Variants in VCAN observed in about 807,000 individuals in gnomAD.
VCAN encodes versican, also known as versican core protein.
VCAN carries 44 observed loss-of-function variants against 245.5 expected under a neutral mutation model. The observed-to-expected ratio is 0.18, with a 90% CI of 0.14 to 0.23. The LOEUF is 0.23. Among genes scored for constraint, VCAN ranks in the 10% least tolerant of loss-of-function variants. VCAN has a pLI of 1.00. For synonymous variants in VCAN, 1,413 were observed against 1,437.0 expected, an observed-to-expected ratio of 0.98 and a Z score of 0.38; for missense variants, 3,793 against 4,057.9, an observed-to-expected ratio of 0.93 and a Z score of 1.77.
chr5:83,534,336 T>C (rs1464488452), intron 7 of VCAN, among the ~76,000 whole-genome samples: 1 of 152,100 alleles, frequency 6.6e-6, no homozygotes, highest in Non-Finnish European at 1.5e-5. Context: ...TAATCAGATA[T>C]TTCCTTATTT....
At position 83,540,407 on chromosome 5, in the gene VCAN, T is replaced by C. The variant is rs763839180; in HGVS notation, c.7404T>C (p.His2468=). ...TTTCTGATGGGTCCCTGGAAAAACATCCTGAGGTGCCAAGCGCTAAAGCTG... is the reference window on the plus strand; with the variant it reads ...TTTCTGATGGGTCCCTGGAAAAACACCCTGAGGTGCCAAGCGCTAAAGCTG... ...TFVSDGSLEK[H]PEVPSAKAVT... Residue 2468 remains histidine (H), a synonymous_variant, in exon 8 of 15, where the codon CAT becomes CAC. Transcript: ENST00000265077. 1.2e-6 allele frequency: 2 copies of C among 1,613,976 alleles called. 1 individual carries two copies. Among genetic ancestry groups the C allele is most frequent in the South Asian group, 2.2e-5 (2 of 91,078 alleles).
intron 10 of VCAN, among the ~76,000 whole-genome samples, chr5:83,549,496 A>G (rs1747376156): frequency 1.3e-5 from 2 of 152,152 alleles, no homozygotes; most frequent in South Asian, 4.1e-4. Context: ...AGTGAACCTA[A>G]ATGGCTTAAC....
rs767289684 is a variant in VCAN, at chr5:83,521,923, A to G, written c.3617A>G (p.Asp1206Gly). The G allele has an allele frequency of 1.2e-6, 2 of 1,614,198 alleles. No homozygotes were observed. The highest frequency in any genetic ancestry group is 8.5e-7 in the Non-Finnish European group (1 of 1,180,032). ...ACAATCAAAGTCACAGTTCCAAGTG[A>G]TATTACCACTGCCTTCAGTTCAGTA... Reference protein sequence around the residue: ...FSTIKVTVPSDITTAFSSVDR... With the variant: ...FSTIKVTVPSGITTAFSSVDR... The change falls in exon 7 of 15, where the codon GAT becomes GGT. Residue 1206 changes from aspartate (D) to glycine (G), a missense_variant. Asp to Gly is a moderately conservative substitution (Grantham distance 94). Around this residue, in one of 5 missense-constraint regions of VCAN, gnomAD observed 3,182 missense variants for 3,250.3 expected, o/e 0.98. Transcript: ENST00000265077.
At chr5:83,476,873 C>T (rs937844605) in intron 1 of VCAN, among the ~76,000 whole-genome samples, 1 of 152,104 alleles carries the variant, frequency 6.6e-6, no homozygotes, top group Non-Finnish European at 1.5e-5. Flanking sequence ...AATGTATATA[C>T]TTTCCACATC....
intron 6 of VCAN, among the ~76,000 whole-genome samples, chr5:83,515,792 G>A (rs933551584): frequency 6.6e-6 from 1 of 152,194 alleles, no homozygotes; most frequent in African/African-American, 2.4e-5. Context: ...CCTTTGGTTA[G>A]TTCATTATCT....
In VCAN at chr5:83,521,802, G is replaced by A; in HGVS notation, c.3496G>A (p.Glu1166Lys). 2 of 1,614,086 alleles carry A rather than the reference G, an allele frequency of 1.2e-6. No homozygotes were observed. The highest frequency in any genetic ancestry group is 1.7e-6 in the Non-Finnish European group (2 of 1,180,036). The change falls in exon 7 of 15, where the codon GAA becomes AAA. Residue 1166 changes from glutamate to lysine, a missense_variant. Glu to Lys is a moderately conservative substitution (Grantham distance 56). Around this residue, in one of 5 missense-constraint regions of VCAN, gnomAD observed 3,182 missense variants for 3,250.3 expected, o/e 0.98. Transcript: ENST00000265077. ...TAGTACCCACATTACCCAGCTTATGGAAGAAACCACTACTGAGAAAACATC... is the reference window on the plus strand; with the variant it reads ...TAGTACCCACATTACCCAGCTTATGAAAGAAACCACTACTGAGAAAACATC... ...PFSTHITQLM[E>K]ETTTEKTSLE...
intron 8 of VCAN, among the ~76,000 whole-genome samples, chr5:83,543,256 T>C (rs745520851): frequency 9.9e-5 from 15 of 152,216 alleles, no homozygotes; most frequent in Non-Finnish European, 1.9e-4. Flanking sequence ...CTAATGGTGT[T>C]TTCCCATAAT....
intron 12 of VCAN, among the ~76,000 whole-genome samples, chr5:83,569,474 A>G (rs974742117): frequency 4.6e-5 from 7 of 152,224 alleles, no homozygotes; most frequent in Non-Finnish European, 8.8e-5. Context: ...GGATACAGTA[A>G]TGAGCAAAAG....
At chr5:83,569,346 T>TGTGTGG (rs1289820890) in intron 12 of VCAN, among the ~76,000 whole-genome samples, 1 of 152,168 alleles carries the variant, frequency 6.6e-6, no homozygotes, top group Non-Finnish European at 1.5e-5. Flanking sequence ...GGATCTTTGA[T>TGTGTGG]TAGGTATTGG....
Position 83,537,144 on chromosome 5 carries a change from A to G in VCAN, c.4141A>G (p.Ile1381Val), listed in dbSNP as rs1746747809. 25 of 1,613,886 alleles carry G rather than the reference A, an allele frequency of 1.5e-5. No homozygotes were observed. Among genetic ancestry groups the G allele is most frequent in the Non-Finnish European group, 2.0e-5 (24 of 1,179,882 alleles). Reference protein sequence around the residue: ...ILPEFPDIIEIDLYHSEENEE... With the variant: ...ILPEFPDIIEVDLYHSEENEE... Reference sequence around the variant, plus strand: ...ACCTGAATTCCCTGACATAATTGAAATAGACCTATACCACAGTGAAGAAAA... The same window carrying G: ...ACCTGAATTCCCTGACATAATTGAAGTAGACCTATACCACAGTGAAGAAAA... The change falls in exon 8 of 15, where the codon ATA becomes GTA. Residue 1381 changes from isoleucine (I) to valine (V), a missense_variant. This residue lies in a region of VCAN where 3,182 missense variants were observed against 3,250.3 expected (regional missense o/e 0.98). Coordinates refer to ENST00000265077, the MANE Select transcript of VCAN (RefSeq NM_004385.5).
chr5:83,540,911 T>C lies in VCAN; in HGVS notation c.7908T>C (p.Phe2636=). 6.2e-7 allele frequency: 1 copy of C among 1,614,018 alleles called. No individual in the cohort carries two copies. The highest frequency in any genetic ancestry group is 8.5e-7 in the Non-Finnish European group (1 of 1,179,980). The change falls in exon 8 of 15, where the codon TTT becomes TTC. Residue 2636 remains phenylalanine, a synonymous_variant. Transcript: ENST00000265077. ...AVNLSLTEET[F]EGSADVLASY... Reference sequence around the variant, plus strand: ...ACCTTTCTTTAACTGAGGAAACATTTGAGGGCTCTGCTGATGTTCTGGCTA... The same window carrying C: ...ACCTTTCTTTAACTGAGGAAACATTCGAGGGCTCTGCTGATGTTCTGGCTA...
intron 12 of VCAN, among the ~76,000 whole-genome samples, chr5:83,565,217 A>C (rs922311737): frequency 6.6e-6 from 1 of 152,192 alleles, no homozygotes; most frequent in Non-Finnish European, 1.5e-5. Flanking sequence ...TGGACAGCTC[A>C]GTTTTCCCAT....
At chr5:83,515,116 C>A (rs1745801301) in intron 6 of VCAN, among the ~76,000 whole-genome samples, 1 of 152,162 alleles carries the variant, frequency 6.6e-6, no homozygotes, top group South Asian at 2.1e-4. Context: ...AGGCTTTATT[C>A]TTTTCAAATA....
chr5:83,558,312 A>G (rs916694684), intron 12 of VCAN, among the ~76,000 whole-genome samples: 4 of 152,122 alleles, frequency 2.6e-5, no homozygotes, highest in Non-Finnish European at 4.4e-5. Context: ...AGTCTTGGTC[A>G]GGGGGATCAG....
intron 14 of VCAN, 28 bp from the exon 15 acceptor site, chr5:83,580,279 C>A (rs771740925): frequency 5.6e-6 from 9 of 1,613,504 alleles, no homozygotes; most frequent in Non-Finnish European, 7.6e-6. Flanking sequence ...TGTGTGTTTT[C>A]TTTTTTTCTT....
At chr5:83,508,338 C>T (rs1745542061) in intron 5 of VCAN, among the ~76,000 whole-genome samples, 2 of 152,106 alleles carry the variant, frequency 1.3e-5, no homozygotes, top group Admixed American at 6.5e-5. Context: ...GTCTTTAGAA[C>T]AGTGTTTTCC....
chr5:83,508,030 T>C (rs1745533085), intron 5 of VCAN, among the ~76,000 whole-genome samples: 1 of 152,218 alleles, frequency 6.6e-6, no homozygotes, highest in Admixed American at 6.5e-5. Flanking sequence ...AAAATGAGCT[T>C]CTTTTTAAGT....
At chr5:83,482,351 C>T (rs547626616) in intron 1 of VCAN, among the ~76,000 whole-genome samples, 2 of 152,276 alleles carry the variant, frequency 1.3e-5, no homozygotes, top group African/African-American at 4.8e-5. Flanking sequence ...CCCCTCACAT[C>T]TCACTGGCCA....
At chr5:83,579,651 G>A (rs1413604153) in intron 13 of VCAN, among the ~76,000 whole-genome samples, 1 of 152,104 alleles carries the variant, frequency 6.6e-6, no homozygotes, top group East Asian at 1.9e-4. Context: ...TAAAAACTTA[G>A]GGACGGTGAT....
Sources: gnomAD v4.1 joint callset for allele counts (sites outside exome capture counted in the v4.1 genomes callset) on GRCh38, gnomAD v4.1.1 for gene constraint, gnomAD v4.1.1 regional missense constraint, MANE v1.5 for transcripts, NCBI Gene and HGNC (gene_info 2026-07-23, HGNC 2026-07-21) for gene names.